ADAMTSL3: variants seen among roughly 807,000 people sequenced by gnomAD.
The protein encoded by ADAMTSL3 is ADAMTS like 3.
In ADAMTSL3, 128 loss-of-function variants were observed where a neutral mutation model predicts 201.7. The observed-to-expected ratio is 0.63, with a 90% confidence interval of 0.55 to 0.73. ADAMTSL3 has a LOEUF of 0.73. ADAMTSL3 is among the 30% of genes least tolerant of loss of function. The pLI, the probability that ADAMTSL3 is intolerant of heterozygous loss-of-function variation, is 0.00. For synonymous variants in ADAMTSL3, 738 were observed against 748.4 expected (o/e 0.99, Z 0.23); for missense variants, 1,990 against 2,119.6 (o/e 0.94, Z 1.20).
rs201851428 is a variant in ADAMTSL3 at position 83,942,742 on chromosome 15, A to G, written c.2264A>G (p.Asn755Ser). ...AAGCCCCATGCTTTACAAGCATGCA[A>G]TCAGTTTGACTGCCCTCCTGGCTGG... is the stretch of plus-strand genomic sequence containing the variant. ...DEKPHALQAC[N>S]QFDCPPGWHI... Residue 755 changes from asparagine (N) to serine (S), a missense_variant, in exon 18 of 30, where the codon AAT becomes AGT. Asn to Ser is a conservative substitution (Grantham distance 46, BLOSUM62 1). Coordinates refer to ENST00000286744, the MANE Select transcript of ADAMTSL3 (RefSeq NM_207517.3). The G allele has an allele frequency of 2.2e-5, 36 of 1,613,812 alleles. No individual in the cohort carries two copies. Among genetic ancestry groups the G allele is most frequent in the Admixed American group, 2.2e-4 (13 of 59,988 alleles).
intron 6 of ADAMTSL3, among the ~76,000 whole-genome samples, chr15:83,824,279 A>G (rs915099598): frequency 6.6e-6 from 1 of 151,852 alleles, no homozygotes; most frequent in East Asian, 1.9e-4. Context: ...GCCTCCCAAA[A>G]TACTGGCATT....
chr15:83,718,927 CAGT>C (rs533541817), intron 3 of ADAMTSL3, among the ~76,000 whole-genome samples: 43 of 152,124 alleles, frequency 2.8e-4, no homozygotes, highest in African/African-American at 1.0e-3. Context: ...GATAACCAAA[CAGT>C]AGATGAGGAA....
At chr15:83,828,698 C>G (rs2064081840) in intron 6 of ADAMTSL3, among the ~76,000 whole-genome samples, 1 of 152,098 alleles carries the variant, frequency 6.6e-6, no homozygotes. Flanking sequence ...TGAAATACAT[C>G]CCATCAATAC....
intron 9 of ADAMTSL3, among the ~76,000 whole-genome samples, chr15:83,882,969 G>A (rs998042851): frequency 2.6e-5 from 4 of 151,620 alleles, no homozygotes; most frequent in East Asian, 3.9e-4. Context: ...ATTAAATATT[G>A]TCTCTTCATC....
rs1596496923 is a variant in ADAMTSL3 at position 83,983,125 on chromosome 15, A to C, written c.3497A>C (p.Asn1166Thr). Reference protein sequence around the residue: ...GSVSQSSHAKNSGKLTFKPKG... With the variant: ...GSVSQSSHAKTSGKLTFKPKG... Reference sequence around the variant, plus strand: ...GTGTCCCAAAGCTCGCATGCAAAAAACTCAGGCAAGCTGACATTCAAGCCG... The same window carrying C: ...GTGTCCCAAAGCTCGCATGCAAAAACCTCAGGCAAGCTGACATTCAAGCCG... The change falls in exon 21 of 30, where the codon AAC (asparagine) becomes ACC (threonine). Residue 1166 changes from asparagine to threonine, a missense_variant. By Grantham distance (65) the Asn-to-Thr change is moderately conservative. Coordinates refer to ENST00000286744, the MANE Select transcript of ADAMTSL3 (RefSeq NM_207517.3). 5.0e-6 allele frequency: 8 copies of C among 1,613,752 alleles called. No individual in the cohort carries two copies. The Admixed American group carries it at 1.2e-4, about 24-fold the overall frequency.
chr15:83,880,910 TA>T (rs1362501200), intron 9 of ADAMTSL3, among the ~76,000 whole-genome samples: 2 of 137,732 alleles, frequency 1.5e-5, no homozygotes, highest in Non-Finnish European at 1.5e-5. Context: ...TTATAATATC[TA>T]TTTTTTTTCA....
intron 9 of ADAMTSL3, among the ~76,000 whole-genome samples, chr15:83,878,620 A>C (rs894955898): frequency 6.6e-6 from 1 of 152,172 alleles, no homozygotes; most frequent in Non-Finnish European, 1.5e-5. Context: ...TTTCAAAAAA[A>C]AAAAATAGAA....
chr15:84,006,080 G>A (rs1015093990), intron 23 of ADAMTSL3, among the ~76,000 whole-genome samples: 1 of 152,188 alleles, frequency 6.6e-6, no homozygotes, highest in African/African-American at 2.4e-5. Flanking sequence ...TTACTCTGCT[G>A]CACAGATTGG....
At chr15:84,031,550 T>G in intron 28 of ADAMTSL3, 118 bp downstream of exon 28, 5 of 861,380 alleles carry the variant, frequency 5.8e-6, no homozygotes, top group Non-Finnish European at 7.5e-6. Flanking sequence ...ATTGACAGTT[T>G]TCAATTATGA....
Position 83,660,958 on chromosome 15 carries a change from A to G in ADAMTSL3, c.69+5128A>G, listed in dbSNP as rs540719258. On this transcript the variant is annotated intron_variant, in intron 2 of 29. Coordinates refer to ENST00000286744, the MANE Select transcript of ADAMTSL3 (RefSeq NM_207517.3). ...TAATCCATCTTGAATTGATTTTTGT[A>G]TAAGGTGTAAGGAAGGGATCCAGTT... Among the ~76,000 whole-genome samples, 20 of 147,446 alleles carry G rather than the reference A, an allele frequency of 1.4e-4. 1 individual carries two copies. The highest frequency in any genetic ancestry group is 2.0e-4 in the Admixed American group (3 of 14,714).
At chr15:83,658,536 G>GACCATTCC (rs1233893388) in intron 2 of ADAMTSL3, among the ~76,000 whole-genome samples, 1 of 152,204 alleles carries the variant, frequency 6.6e-6, no homozygotes, top group Non-Finnish European at 1.5e-5. Flanking sequence ...ACTCGTTCTT[G>GACCATTCC]ACCATTCCTC....
intron 16 of ADAMTSL3, among the ~76,000 whole-genome samples, chr15:83,921,628 C>T (rs1377565246): frequency 6.6e-6 from 1 of 152,192 alleles, no homozygotes; most frequent in Non-Finnish European, 1.5e-5. Flanking sequence ...TCTGCTGCTT[C>T]TCTTGGAGTC....
chr15:83,841,202 T>C (rs2064368052), intron 7 of ADAMTSL3, among the ~76,000 whole-genome samples: 1 of 152,240 alleles, frequency 6.6e-6, no homozygotes, highest in African/African-American at 2.4e-5. Context: ...GCTTTATAAT[T>C]CCCAAAGTTC....
At chr15:83,710,507 G>C (rs1379258297) in intron 3 of ADAMTSL3, among the ~76,000 whole-genome samples, 2 of 150,982 alleles carry the variant, frequency 1.3e-5, no homozygotes, top group East Asian at 3.9e-4. Context: ...TCCTTTTTAA[G>C]AATTTCAGTT....
intron 4 of ADAMTSL3, among the ~76,000 whole-genome samples, chr15:83,796,790 C>A (rs1193060846): frequency 6.6e-6 from 1 of 152,046 alleles, no homozygotes; most frequent in African/African-American, 2.4e-5. Flanking sequence ...TTGAAAGTGG[C>A]CCTGTAAATC....
At chr15:83,997,782 C>T (rs1342285871) in intron 23 of ADAMTSL3, among the ~76,000 whole-genome samples, 1 of 152,014 alleles carries the variant, frequency 6.6e-6, no homozygotes, top group Non-Finnish European at 1.5e-5. Flanking sequence ...CCTGTAAGAC[C>T]TTGGACCTAT....
intron 23 of ADAMTSL3, among the ~76,000 whole-genome samples, chr15:84,004,104 A>G (rs1249317945): frequency 2.0e-5 from 3 of 152,212 alleles, no homozygotes; most frequent in South Asian, 4.1e-4. Context: ...GTAACATCCC[A>G]ACTTATATAA....
intron 3 of ADAMTSL3, among the ~76,000 whole-genome samples, chr15:83,771,664 C>T (rs1328028229): frequency 6.6e-6 from 1 of 152,202 alleles, no homozygotes; most frequent in Non-Finnish European, 1.5e-5. Flanking sequence ...GTGTATACCA[C>T]ATGTTGTTTA....
At chr15:83,975,335 A>G (rs1361180564) in intron 20 of ADAMTSL3, among the ~76,000 whole-genome samples, 2 of 151,552 alleles carry the variant, frequency 1.3e-5, no homozygotes. Context: ...CCTCCTACAC[A>G]CCTCTTGGAC....
Sources: gnomAD v4.1 joint callset for allele counts (sites outside exome capture counted in the v4.1 genomes callset) on GRCh38, gnomAD v4.1.1 for gene constraint, MANE v1.5 for transcripts, NCBI Gene and HGNC (gene_info 2026-07-23, HGNC 2026-07-21) for gene names.